Variants in WDR70 observed in about 807,000 individuals in gnomAD.
WDR70 encodes WD repeat-containing protein 70.
WDR70 carries 53 observed loss-of-function variants against 88.6 expected under a neutral mutation model. The observed-to-expected ratio is 0.60, with a 90% CI of 0.48 to 0.75. The LOEUF is 0.75. Ranked by LOEUF, WDR70 falls within the 30% of genes least tolerant of loss-of-function variation. WDR70 has a pLI of 0.00. For missense variants in WDR70, 610 were observed against 823.2 expected (o/e 0.74, Z 3.17); for synonymous variants, 280 against 270.0 (o/e 1.04, Z -0.36).
At chr5:37,728,202 G>A (rs1281543133) in intron 17 of WDR70, among the ~76,000 whole-genome samples, 1 of 151,812 alleles carries the variant, frequency 6.6e-6, no homozygotes, top group African/African-American at 2.4e-5. Flanking sequence ...ACAAAAATTA[G>A]CCAGGTGTGG....
At chr5:37,725,933 C>A (rs1747958157) in intron 16 of WDR70, among the ~76,000 whole-genome samples, 1 of 152,174 alleles carries the variant, frequency 6.6e-6, no homozygotes, top group South Asian at 2.1e-4. Flanking sequence ...CAAATCAAAT[C>A]TACCCCTGTA....
intron 5 of WDR70, among the ~76,000 whole-genome samples, chr5:37,429,904 A>C (rs1750250834): frequency 6.6e-6 from 1 of 152,186 alleles, no homozygotes; most frequent in African/African-American, 2.4e-5. Context: ...ATTTTGGTTG[A>C]GATTGTATTG....
rs1209150137 is a variant in WDR70, at chr5:37,574,441, ACTT to A, written c.918-30617_918-30615del. Reference sequence around the variant, plus strand: ...TTGTCTTTTCCTTACCTTAGTCATCACTTCTTCTCAGTTTCCTTTGTTTCCTTC... The same window carrying A: ...TTGTCTTTTCCTTACCTTAGTCATCACTTCTCAGTTTCCTTTGTTTCCTTC... On this transcript the variant is annotated intron_variant, in intron 9 of 17. Transcript: ENST00000265107. 3.9e-5 allele frequency among the ~76,000 whole-genome samples: 6 copies of A among 152,208 alleles called. No homozygotes were observed. The East Asian group carries it at 5.8e-4, about 15-fold the overall frequency.
At chr5:37,679,248 C>T (rs546047708) in intron 10 of WDR70, among the ~76,000 whole-genome samples, 6 of 152,282 alleles carry the variant, frequency 3.9e-5, no homozygotes, top group Non-Finnish European at 5.9e-5. Flanking sequence ...TGTCATTCTC[C>T]GTCCAGCTTT....
intron 9 of WDR70, among the ~76,000 whole-genome samples, chr5:37,537,373 T>C (rs182448953): frequency 6.6e-6 from 1 of 152,298 alleles, no homozygotes; most frequent in Admixed American, 6.5e-5. Flanking sequence ...ATCTGTGGGC[T>C]TGTAAATATA....
intron 9 of WDR70, among the ~76,000 whole-genome samples, chr5:37,540,205 C>T (rs1741776133): frequency 6.6e-6 from 1 of 152,222 alleles, no homozygotes; most frequent in African/African-American, 2.4e-5. Context: ...ATATTTTAAA[C>T]ACTCAGGACC....
At chr5:37,524,942 A>G (rs1296466296) in intron 9 of WDR70, among the ~76,000 whole-genome samples, 4 of 152,210 alleles carry the variant, frequency 2.6e-5, no homozygotes, top group Admixed American at 6.5e-5. Flanking sequence ...TCCTAAATAT[A>G]TATGCACCCA....
chr5:37,497,704 G>A (rs1740273736), intron 8 of WDR70, among the ~76,000 whole-genome samples: 1 of 151,846 alleles, frequency 6.6e-6, no homozygotes, highest in Non-Finnish European at 1.5e-5. Flanking sequence ...TTAAGCATAG[G>A]CTGACAAATT....
chr5:37,714,076 T>G (rs1045932502), intron 13 of WDR70, among the ~76,000 whole-genome samples: 2 of 152,236 alleles, frequency 1.3e-5, no homozygotes, highest in South Asian at 2.1e-4. Flanking sequence ...TAAAAGAGTA[T>G]GATATTTAAA....
chr5:37,743,888 C>G (rs1443699115), intron 17 of WDR70, among the ~76,000 whole-genome samples: 2 of 152,328 alleles, frequency 1.3e-5, no homozygotes, highest in East Asian at 3.9e-4. Context: ...GGTTTCCCCC[C>G]AGCAAAACAC....
intron 7 of WDR70, among the ~76,000 whole-genome samples, chr5:37,477,262 T>C (rs1739513559): frequency 6.6e-6 from 1 of 152,220 alleles, no homozygotes; most frequent in Non-Finnish European, 1.5e-5. Context: ...GTTGACAAAT[T>C]CTGTTAGTTT....
intron 5 of WDR70, among the ~76,000 whole-genome samples, chr5:37,420,472 C>T (rs1470548946): frequency 6.6e-6 from 1 of 152,060 alleles, no homozygotes; most frequent in Non-Finnish European, 1.5e-5. Flanking sequence ...CAGATTCTTG[C>T]TCTGTTGCCC....
At chr5:37,619,993 G>A (rs1189315850) in intron 10 of WDR70, 1 of 143,092 alleles carries the variant, frequency 7.0e-6, no homozygotes, top group African/African-American at 2.6e-5. Context: ...TTAAAAATGT[G>A]GAATGCTTCA....
At chr5:37,726,504 C>T (rs1241917436) in intron 16 of WDR70, among the ~76,000 whole-genome samples, 1 of 152,114 alleles carries the variant, frequency 6.6e-6, no homozygotes, top group East Asian at 1.9e-4. Flanking sequence ...TTGGAAGATG[C>T]CAAGCCCTAA....
chr5:37,577,374 C>T (rs1179824160), intron 9 of WDR70, among the ~76,000 whole-genome samples: 1 of 152,030 alleles, frequency 6.6e-6, no homozygotes, highest in Non-Finnish European at 1.5e-5. Context: ...CCTAGCTACT[C>T]AAGAGGCTGA....
At chr5:37,421,256 T>G (rs1749937272) in intron 5 of WDR70, among the ~76,000 whole-genome samples, 1 of 152,170 alleles carries the variant, frequency 6.6e-6, no homozygotes, top group Non-Finnish European at 1.5e-5. Context: ...CTTCTCAGGG[T>G]CATCTCGAAT....
Position 37,396,439 on chromosome 5 carries a change from C to A in WDR70, c.361C>A (p.Pro121Thr). The change falls in exon 5 of 18, where the codon CCT becomes ACT. Residue 121 changes from proline to threonine, a missense_variant. Pro to Thr is a conservative substitution (Grantham distance 38). Around this residue, in one of 4 missense-constraint regions of WDR70, gnomAD observed 203 missense variants for 228.1 expected, o/e 0.89. Transcript: ENST00000265107. Reference protein sequence around the residue: ...DSSDDELIGPPLPPKMVGKPV... With the variant: ...DSSDDELIGPTLPPKMVGKPV... Reference sequence around the variant, plus strand: ...TTCTGATGATGAGTTAATTGGCCCTCCTTTACCCCCTAAAATGGTAGGAAA... The same window carrying A: ...TTCTGATGATGAGTTAATTGGCCCTACTTTACCCCCTAAAATGGTAGGAAA... The A allele has an allele frequency of 6.2e-7, 1 of 1,613,956 alleles. No individual in the cohort carries two copies. The highest frequency in any genetic ancestry group is 8.5e-7 in the Non-Finnish European group (1 of 1,179,984).
At chr5:37,413,045 A>T (rs977616481) in intron 5 of WDR70, among the ~76,000 whole-genome samples, 2 of 152,204 alleles carry the variant, frequency 1.3e-5, no homozygotes, top group African/African-American at 4.8e-5. Context: ...AAACTTAACT[A>T]TTTTAACTTC....
At chr5:37,642,215 C>T (rs564532926) in intron 10 of WDR70, among the ~76,000 whole-genome samples, 5 of 152,120 alleles carry the variant, frequency 3.3e-5, no homozygotes, top group Non-Finnish European at 7.4e-5. Context: ...ACCCATAATA[C>T]CCTGTCTGCT....
Sources: gnomAD v4.1 joint callset for allele counts (sites outside exome capture counted in the v4.1 genomes callset) on GRCh38, gnomAD v4.1.1 for gene constraint, gnomAD v4.1.1 regional missense constraint, MANE v1.5 for transcripts, NCBI Gene and HGNC (gene_info 2026-07-23, HGNC 2026-07-21) for gene names.